Variants in DCUN1D3 observed in about 807,000 individuals in gnomAD.
The protein encoded by DCUN1D3 is DCN1-like protein 3.
A neutral mutation model predicts 24.8 loss-of-function variants in DCUN1D3; 6 were observed. That is an observed-to-expected ratio of 0.24 (90% confidence interval 0.13 to 0.48). The LOEUF (loss-of-function observed/expected upper bound fraction) is 0.48, where lower values mean the gene tolerates loss of function less well. Ranked by LOEUF, DCUN1D3 falls within the 20% of genes least tolerant of loss-of-function variation. DCUN1D3 has a pLI of 0.99. For missense variants in DCUN1D3, 258 were observed against 379.4 expected (o/e 0.68, Z 2.66); for synonymous variants, 120 against 144.9 (o/e 0.83, Z 1.24).
chr16:20,892,946 G>T (rs961759332), intron 1 of DCUN1D3, among the ~76,000 whole-genome samples: 1 of 152,070 alleles, frequency 6.6e-6, no homozygotes, highest in Non-Finnish European at 1.5e-5. Flanking sequence ...TTCACTATAG[G>T]GAGTCTTCTT....
intron 1 of DCUN1D3, among the ~76,000 whole-genome samples, chr16:20,869,547 A>C (rs898908018): frequency 7.2e-5 from 11 of 152,138 alleles, no homozygotes; most frequent in African/African-American, 2.7e-4. Context: ...AGTCTGCCAG[A>C]CTTTCCATGG....
At chr16:20,876,654 T>C (rs958226549) in intron 1 of DCUN1D3, among the ~76,000 whole-genome samples, 2 of 152,220 alleles carry the variant, frequency 1.3e-5, no homozygotes, top group African/African-American at 4.8e-5. Context: ...TGCACTCCCA[T>C]GTTTATTGTA....
chr16:20,880,433 C>T (rs1432969827), intron 1 of DCUN1D3, among the ~76,000 whole-genome samples: 2 of 151,682 alleles, frequency 1.3e-5, no homozygotes, highest in African/African-American at 4.8e-5. Flanking sequence ...GACCCAATTT[C>T]TACAAAATCA....
chr16:20,866,250 A>G (rs1437646221), intron 1 of DCUN1D3, among the ~76,000 whole-genome samples: 2 of 152,178 alleles, frequency 1.3e-5, no homozygotes, highest in African/African-American at 4.8e-5. Context: ...GTTCCTAAAG[A>G]CTAGAATGCT....
intron 1 of DCUN1D3, among the ~76,000 whole-genome samples, chr16:20,876,324 T>G (rs781126083): frequency 6.6e-6 from 1 of 151,270 alleles, no homozygotes. Flanking sequence ...AAAGGAGACA[T>G]GAAAATAGCC....
chr16:20,877,353 CA>C (rs2081821205), intron 1 of DCUN1D3, among the ~76,000 whole-genome samples: 1 of 152,172 alleles, frequency 6.6e-6, no homozygotes, highest in Admixed American at 6.5e-5. Context: ...TCAACCAATC[CA>C]AATGCCACTT....
At chr16:20,894,543 G>A (rs2081906668) in intron 1 of DCUN1D3, among the ~76,000 whole-genome samples, 1 of 152,220 alleles carries the variant, frequency 6.6e-6, no homozygotes, top group Non-Finnish European at 1.5e-5. Context: ...AAAAGGATCA[G>A]GGATGATGCT....
chr16:20,876,490 G>A (rs1384260122), intron 1 of DCUN1D3, among the ~76,000 whole-genome samples: 4 of 150,528 alleles, frequency 2.7e-5, no homozygotes, highest in Non-Finnish European at 5.9e-5. Context: ...GGGAACCCTC[G>A]TATACTGTTG....
At position 20,858,783 on chromosome 16, in the gene DCUN1D3, CCCAGGCTTCTGCCCTTG is replaced by C; in HGVS notation, c.*1086_*1102del. 7.7e-6 allele frequency: 1 copy of C among 129,882 alleles called. No individual in the cohort carries two copies. The highest frequency in any genetic ancestry group is 8.3e-5 in the Admixed American group (1 of 12,116). 8.0% of individuals were successfully genotyped at this position (129,882 alleles called of 1,614,324 possible). A position where few individuals can be genotyped will look rare whatever the true frequency, so the allele number is the denominator to read the frequency against. On this transcript the variant is annotated 3_prime_UTR_variant, in exon 3 of 3. Transcript: ENST00000324344. ...TTTGTTTGGCAGAGTTCAGGCCAAC[CCCAGGCTTCTGCCCTTG>C]CCAGACAAGTAAGCTGATGATATTC... is the stretch of plus-strand genomic sequence containing the variant.
intron 1 of DCUN1D3, among the ~76,000 whole-genome samples, chr16:20,887,383 C>T (rs1318656597): frequency 1.3e-5 from 2 of 152,162 alleles, no homozygotes; most frequent in Non-Finnish European, 2.9e-5. Context: ...ATCTTATGCA[C>T]CATCAGCAGT....
At chr16:20,898,969 G>A (rs550363094) in intron 1 of DCUN1D3, among the ~76,000 whole-genome samples, 1 of 152,132 alleles carries the variant, frequency 6.6e-6, no homozygotes, top group African/African-American at 2.4e-5. Flanking sequence ...TTTCACATCC[G>A]TTATTGGTTT....
intron 1 of DCUN1D3, among the ~76,000 whole-genome samples, chr16:20,888,465 T>G (rs898933513): frequency 2.6e-5 from 4 of 152,190 alleles, no homozygotes; most frequent in Admixed American, 2.6e-4. Context: ...TACATCTATT[T>G]TTTGTTTGTT....
At chr16:20,895,319 C>T (rs1441798976) in intron 1 of DCUN1D3, among the ~76,000 whole-genome samples, 1 of 152,090 alleles carries the variant, frequency 6.6e-6, no homozygotes, top group Non-Finnish European at 1.5e-5. Flanking sequence ...TGGACTTGAA[C>T]TCCTGGCCTC....
At chr16:20,880,225 G>T (rs1237934414) in intron 1 of DCUN1D3, among the ~76,000 whole-genome samples, 1 of 152,114 alleles carries the variant, frequency 6.6e-6, no homozygotes, top group Non-Finnish European at 1.5e-5. Flanking sequence ...GTACATAGAA[G>T]AGAAAGGCTG....
At chr16:20,875,213 C>T (rs967801802) in intron 1 of DCUN1D3, among the ~76,000 whole-genome samples, 3 of 21,552 alleles carry the variant, frequency 1.4e-4, no homozygotes, top group African/African-American at 2.2e-4. Context: ...CGCTCATGCA[C>T]ACACACACAC....
At chr16:20,890,387 A>T (rs1411917593) in intron 1 of DCUN1D3, among the ~76,000 whole-genome samples, 1 of 152,068 alleles carries the variant, frequency 6.6e-6, no homozygotes, top group Non-Finnish European at 1.5e-5. Context: ...CAGCACTTTG[A>T]GAGGCCAAGG....
At chr16:20,877,880 C>T (rs1026875123) in intron 1 of DCUN1D3, among the ~76,000 whole-genome samples, 12 of 152,338 alleles carry the variant, frequency 7.9e-5, no homozygotes, top group Non-Finnish European at 1.3e-4. Flanking sequence ...CTGTTAACTT[C>T]AAACTTCTGG....
At chr16:20,896,106 G>C (rs2081914638) in intron 1 of DCUN1D3, among the ~76,000 whole-genome samples, 1 of 152,152 alleles carries the variant, frequency 6.6e-6, no homozygotes, top group Admixed American at 6.5e-5. Context: ...GCAGGTTCTT[G>C]GCATGTTTAA....
intron 1 of DCUN1D3, among the ~76,000 whole-genome samples, chr16:20,876,498 T>C (rs1037901271): frequency 2.0e-5 from 3 of 150,516 alleles, no homozygotes; most frequent in African/African-American, 7.3e-5. Context: ...TCGTATACTG[T>C]TGGTGGAAAT....
Sources: gnomAD v4.1 joint callset for allele counts (sites outside exome capture counted in the v4.1 genomes callset) on GRCh38, gnomAD v4.1.1 for gene constraint, MANE v1.5 for transcripts, NCBI Gene and HGNC (gene_info 2026-07-23, HGNC 2026-07-21) for gene names.